The following CSMD1 variants were observed in gnomAD, a reference collection of about 807,000 sequenced individuals.
CSMD1 encodes the protein CUB and sushi domain-containing protein 1.
Under a neutral mutation model 417.5 loss-of-function variants are expected in CSMD1, and 213 were observed. That is an observed-to-expected ratio of 0.51 (90% CI 0.46 to 0.57). The LOEUF (loss-of-function observed/expected upper bound fraction) is 0.57, where lower values mean the gene tolerates loss of function less well. Among genes scored for constraint, CSMD1 ranks in the 20% least tolerant of loss-of-function variants. The pLI is 0.00. For synonymous variants in CSMD1, 2,862 were observed against 1,736.8 expected (o/e 1.65, Z -16.11); for missense variants, 6,923 against 4,529.7 (o/e 1.53, Z -15.17).
chr8:3,320,075 C>CT (rs1806053458), intron 23 of CSMD1, among the ~76,000 whole-genome samples: 1 of 152,184 alleles, frequency 6.6e-6, no homozygotes, highest in African/African-American at 2.4e-5. Flanking sequence ...CATAGAGGGG[C>CT]TGCCACCAGC....
At position 4,018,867 on chromosome 8, in the gene CSMD1, T is replaced by G. The variant is rs141351743; in HGVS notation, c.610+13038A>C. On this transcript the variant is annotated intron_variant, in intron 4 of 69. Transcript: ENST00000635120. ...AATTCCTCTGTGATGGAGTCTCATC[T>G]AAACCAGAGGGATGATGATAATATA... Among the ~76,000 whole-genome samples, 420 of 152,302 alleles carry G rather than the reference T, an allele frequency of 2.8e-3. 1 individual carries two copies. Among genetic ancestry groups the G allele is most frequent in the African/African-American group, 9.8e-3 (408 of 41,572 alleles).
At chr8:3,550,896 G>A (rs940009401) in intron 10 of CSMD1, among the ~76,000 whole-genome samples, 4 of 152,134 alleles carry the variant, frequency 2.6e-5, no homozygotes, top group Non-Finnish European at 4.4e-5. Flanking sequence ...GCTTCCACTC[G>A]AAAATAGGAG....
At chr8:2,988,879 G>A (rs1194568647) in intron 54 of CSMD1, among the ~76,000 whole-genome samples, 2 of 152,140 alleles carry the variant, frequency 1.3e-5, no homozygotes, top group African/African-American at 4.8e-5. Context: ...TGAGGTGGAT[G>A]TTGTAGAAAT....
intron 1 of CSMD1, among the ~76,000 whole-genome samples, chr8:4,712,028 G>C (rs574215128): frequency 6.2e-4 from 94 of 152,252 alleles, no homozygotes; most frequent in Admixed American, 1.4e-3. Context: ...AGAAAATCTA[G>C]AAGAGATTTT....
intron 6 of CSMD1, among the ~76,000 whole-genome samples, chr8:3,716,996 A>C (rs1236827740): frequency 1.3e-5 from 2 of 152,216 alleles, no homozygotes; most frequent in Non-Finnish European, 2.9e-5. Context: ...AAATTGAGGT[A>C]CAAAGAACTT....
At chr8:4,458,547 T>C (rs1799622771) in intron 2 of CSMD1, among the ~76,000 whole-genome samples, 2 of 152,150 alleles carry the variant, frequency 1.3e-5, no homozygotes, top group Admixed American at 1.3e-4. Flanking sequence ...TTTCTTAATG[T>C]TAACTGTTAC....
chr8:3,347,586 C>A (rs866224175), intron 22 of CSMD1, among the ~76,000 whole-genome samples: 21 of 152,140 alleles, frequency 1.4e-4, no homozygotes, highest in African/African-American at 4.8e-4. Context: ...GTTTGGGGAT[C>A]CTGCAACTTT....
intron 1 of CSMD1, among the ~76,000 whole-genome samples, chr8:4,810,258 T>C (rs1798818833): frequency 6.6e-6 from 1 of 152,248 alleles, no homozygotes; most frequent in African/African-American, 2.4e-5. Flanking sequence ...TTATGTGAAA[T>C]GATTTACCTA....
chr8:4,158,217 C>T (rs1036570962), intron 3 of CSMD1, among the ~76,000 whole-genome samples: 2 of 151,836 alleles, frequency 1.3e-5, no homozygotes, highest in Non-Finnish European at 2.9e-5. Flanking sequence ...TATTTTGGCA[C>T]CATTGATGCT....
intron 25 of CSMD1, among the ~76,000 whole-genome samples, chr8:3,294,457 G>T (rs1584945955): frequency 6.6e-6 from 1 of 152,212 alleles, no homozygotes; most frequent in South Asian, 2.1e-4. Flanking sequence ...TCCTTGAGCT[G>T]TGGTGGGCTC....
At chr8:3,476,865 C>G (rs1817457627) in intron 11 of CSMD1, among the ~76,000 whole-genome samples, 1 of 146,238 alleles carries the variant, frequency 6.8e-6, no homozygotes, top group Non-Finnish European at 1.5e-5. Context: ...TCGCAGTGAG[C>G]CAAGACCGTG....
At chr8:4,429,259 T>A (rs1164271365) in intron 2 of CSMD1, among the ~76,000 whole-genome samples, 1 of 152,056 alleles carries the variant, frequency 6.6e-6, no homozygotes, top group Non-Finnish European at 1.5e-5. Flanking sequence ...ATTTCAACAG[T>A]CCTATCACTT....
chr8:4,403,665 A>G (rs1804814322), intron 3 of CSMD1, among the ~76,000 whole-genome samples: 1 of 152,040 alleles, frequency 6.6e-6, no homozygotes, highest in African/African-American at 2.4e-5. Context: ...ATCTCTCTAG[A>G]GTCTAACCCC....
At chr8:4,002,774 G>A (rs56183360) in intron 4 of CSMD1, among the ~76,000 whole-genome samples, 21,899 of 152,064 alleles carry the variant, frequency 0.14, 1,646 homozygotes, top group East Asian at 0.2. Flanking sequence ...AAGTATATTG[G>A]AAGAACTGAA....
intron 3 of CSMD1, among the ~76,000 whole-genome samples, chr8:4,166,914 T>C (rs1204542805): frequency 6.6e-6 from 1 of 152,238 alleles, no homozygotes; most frequent in Non-Finnish European, 1.5e-5. Context: ...TCATTTTGAA[T>C]GCTCAGCAGC....
rs756336147 is a variant in CSMD1, at chr8:3,367,158, C to T, written c.2989G>A (p.Ala997Thr). The T allele has an allele frequency of 6.2e-7, 1 of 1,613,622 alleles. No homozygotes were observed. The highest frequency in any genetic ancestry group is 8.5e-7 in the Non-Finnish European group (1 of 1,179,732). The change falls in exon 20 of 70, where the codon GCC becomes ACC. Residue 997 changes from alanine (A) to threonine (T), a missense_variant. By Grantham distance (58) the Ala-to-Thr change is moderately conservative (BLOSUM62 0). Coordinates refer to ENST00000635120, the MANE Select transcript of CSMD1 (RefSeq NM_033225.6). ...TEDGSFSEPV[A>T]RLTGSVLPHT... ...GGCAACACCGACCCGGTGAGCCTGGCAACGGGCTCGGAAAAACTTCCATCC... is the reference window on the plus strand; with the variant it reads ...GGCAACACCGACCCGGTGAGCCTGGTAACGGGCTCGGAAAAACTTCCATCC...
intron 1 of CSMD1, among the ~76,000 whole-genome samples, chr8:4,966,241 T>C (rs959308078): frequency 7.5e-5 from 11 of 145,734 alleles, no homozygotes; most frequent in East Asian, 6.0e-4. Context: ...TAGCTGGGTA[T>C]GGTGGCACAT....
At chr8:4,807,102 A>C in intron 1 of CSMD1, among the ~76,000 whole-genome samples, 1 of 152,206 alleles carries the variant, frequency 6.6e-6, no homozygotes, top group East Asian at 1.9e-4. Flanking sequence ...AGACTAATAC[A>C]TTCTCATAGA....
chr8:4,138,208 T>TA lies in CSMD1; in HGVS notation c.416-106110_416-106109insT, dbSNP rs1324792887. Among the ~76,000 whole-genome samples the TA allele has an allele frequency of 3.3e-3, 232 of 69,760 alleles. 42 individuals are homozygous for TA. The highest frequency in any genetic ancestry group is 8.5e-3 in the Non-Finnish European group (215 of 25,178). 45.8% of individuals were successfully genotyped at this position (69,760 alleles called of 152,430 possible). ...GGGATTACAGGCGCAGCCTTACATTTTTTTTTTTTTTTTTTTTCAGGTCTC... is the reference window on the plus strand; with the variant it reads ...GGGATTACAGGCGCAGCCTTACATTTATTTTTTTTTTTTTTTTTCAGGTCTC... On this transcript the variant is annotated intron_variant, in intron 3 of 69. Coordinates refer to ENST00000635120, the MANE Select transcript of CSMD1 (RefSeq NM_033225.6).
Sources: allele counts gnomAD v4.1 joint callset (sites outside exome capture counted in the v4.1 genomes callset), GRCh38; gene constraint gnomAD v4.1.1; transcripts MANE v1.5; gene names NCBI Gene and HGNC (gene_info 2026-07-23, HGNC 2026-07-21).